Variants in ZBTB21 observed in about 807,000 individuals in gnomAD.
The protein encoded by ZBTB21 is zinc finger and BTB domain containing 21, also known as zinc finger and BTB domain-containing protein 21.
A neutral mutation model predicts 39.8 loss-of-function variants in ZBTB21; 10 were observed. The ratio of observed to expected loss-of-function variants is 0.25; its 90% CI spans 0.16 to 0.43. The LOEUF is 0.43. Ranked by LOEUF, ZBTB21 falls within the 20% of genes least tolerant of loss-of-function variation. ZBTB21 has a pLI of 1.00. For synonymous variants in ZBTB21, 551 were observed against 498.8 expected, an observed-to-expected ratio of 1.10 and a Z score of -1.40; for missense variants, 1,221 against 1,296.3, an observed-to-expected ratio of 0.94 and a Z score of 0.89.
chr21:41,997,599 A>C (rs1354136007), intron 2 of ZBTB21, among the ~76,000 whole-genome samples: 5 of 137,958 alleles, frequency 3.6e-5, no homozygotes, highest in African/African-American at 1.3e-4. Flanking sequence ...ACAAAAAAAC[A>C]AAAAAACAAA....
chr21:41,995,609 C>T (rs1163145444), intron 2 of ZBTB21, among the ~76,000 whole-genome samples: 1 of 152,194 alleles, frequency 6.6e-6, no homozygotes, highest in African/African-American at 2.4e-5. Context: ...AAGAAAATCC[C>T]ATTTTCTGAG....
chr21:41,992,668 G>A lies in ZBTB21; in HGVS notation c.1428C>T (p.Asp476=), dbSNP rs776760292. 31 of 1,614,018 alleles carry A rather than the reference G, an allele frequency of 1.9e-5. No individual in the cohort carries two copies. Among genetic ancestry groups the A allele is most frequent in the Non-Finnish European group, 2.5e-5 (29 of 1,180,028 alleles). Residue 476 remains aspartate, a synonymous_variant, in exon 3 of 3, where the codon GAC becomes GAT. Transcript: ENST00000310826. This position sits in a 1 kb window ranked among gnomAD's most constrained non-coding sequence, Gnocchi z 4.1. ...TCCTTTTTGCTGGGAGTCTGCTCATGTCTTTTTGGTCATCTTCTGTTTTCA... is the reference window on the plus strand; with the variant it reads ...TCCTTTTTGCTGGGAGTCTGCTCATATCTTTTTGGTCATCTTCTGTTTTCA... ...LSLKTEDDQK[D]MSRLPAKRRF...
intron 1 of ZBTB21, among the ~76,000 whole-genome samples, chr21:42,008,342 CAAAAAAAA>C (rs767411984): frequency 1.8e-4 from 10 of 54,312 alleles, no homozygotes; most frequent in Non-Finnish European, 3.3e-4. Flanking sequence ...CCCGTCTCTA[CAAAAAAAA>C]AAAAAAAAAA....
At position 41,992,895 on chromosome 21, in the gene ZBTB21, C is replaced by T; in HGVS notation, c.1201G>A (p.Val401Met). ...EKTALDDRPQ[V>M]LQPHRLRSFS... is the part of the protein sequence containing the mutation. ...GACCTGAGGCGATGCGGTTGTAGCA[C>T]TTGAGGCCTGTCATCTAGGGCTGTT... is the stretch of plus-strand genomic sequence containing the variant. Residue 401 changes from valine (V) to methionine (M), a missense_variant, in exon 3 of 3, where the codon GTG becomes ATG. Physicochemically the swap from Val to Met is conservative, Grantham distance 21. Around this residue, in one of 4 missense-constraint regions of ZBTB21, gnomAD observed 500 missense variants for 465.6 expected, o/e 1.07. Coordinates refer to ENST00000310826, the MANE Select transcript of ZBTB21 (RefSeq NM_001098402.2). This position sits in a 1 kb window ranked among gnomAD's most constrained non-coding sequence, Gnocchi z 4.1. 1 of 1,614,214 alleles carries T rather than the reference C, an allele frequency of 6.2e-7. No individual in the cohort carries two copies. Among genetic ancestry groups the T allele is most frequent in the Non-Finnish European group, 8.5e-7 (1 of 1,180,040 alleles).
At chr21:41,998,154 T>C (rs2146309976) in intron 2 of ZBTB21, among the ~76,000 whole-genome samples, 1 of 152,140 alleles carries the variant, frequency 6.6e-6, no homozygotes, top group Non-Finnish European at 1.5e-5. Flanking sequence ...TTTGACCCTT[T>C]ATTTAGGCTT....
In ZBTB21 at chr21:41,993,588, C is replaced by A; in HGVS notation, c.508G>T (p.Val170Leu). Reference sequence around the variant, plus strand: ...GGAGAGGGCCGGGAAGTATGGCTTACATCGGGTTGATTTTGACTAACAGTT... The same window carrying A: ...GGAGAGGGCCGGGAAGTATGGCTTAAATCGGGTTGATTTTGACTAACAGTT... ...GKTVSQNQPDVSHTSRPSPSI... is the reference protein window; with the variant it reads ...GKTVSQNQPDLSHTSRPSPSI... Residue 170 changes from valine to leucine, a missense_variant, in exon 3 of 3, where the codon GTA (valine) becomes TTA (leucine). Physicochemically the swap from Val to Leu is conservative, Grantham distance 32 (BLOSUM62 1). This residue lies in a region of ZBTB21 where 500 missense variants were observed against 465.6 expected (regional missense o/e 1.07). Transcript: ENST00000310826. 6.2e-7 allele frequency: 1 copy of A among 1,614,248 alleles called. No homozygotes were observed. The highest frequency in any genetic ancestry group is 8.5e-7 in the Non-Finnish European group (1 of 1,180,042).
chr21:41,994,035 T>C lies in ZBTB21; in HGVS notation c.61A>G (p.Asn21Asp). Residue 21 changes from asparagine to aspartate, a missense_variant, in exon 3 of 3, where the codon AAT (asparagine) becomes GAT (aspartate). Asn to Asp is a conservative substitution (Grantham distance 23, BLOSUM62 1). Coordinates refer to ENST00000310826, the MANE Select transcript of ZBTB21 (RefSeq NM_001098402.2). ...AGCTGTCCTTTGAGACGCTCCTCAT[T>C]CAGGGCACTTAGGAGAGAAATGGCG... is the stretch of plus-strand genomic sequence containing the variant. ...AHAISLLSALNEERLKGQLCD... is the reference protein window; with the variant it reads ...AHAISLLSALDEERLKGQLCD... The C allele has an allele frequency of 6.2e-7, 1 of 1,614,116 alleles. No homozygotes were observed. Among genetic ancestry groups the C allele is most frequent in the Non-Finnish European group, 8.5e-7 (1 of 1,180,000 alleles).
At chr21:41,997,575 CA>C (rs10709533) in intron 2 of ZBTB21, among the ~76,000 whole-genome samples, 55,790 of 117,026 alleles carry the variant, frequency 0.48, 12,150 homozygotes, top group African/African-American at 0.67. Flanking sequence ...GACGTTGTCT[CA>C]AAAAAAAAAA....
intron 2 of ZBTB21, among the ~76,000 whole-genome samples, chr21:41,999,696 G>C (rs2065794565): frequency 6.6e-6 from 1 of 152,212 alleles, no homozygotes; most frequent in Non-Finnish European, 1.5e-5. Context: ...AAGAAGGTGT[G>C]AAGGAGGCGA....
chr21:42,007,839 G>C (rs541974808), intron 1 of ZBTB21: 18 of 152,332 alleles, frequency 1.2e-4, no homozygotes, highest in African/African-American at 3.1e-4. Context: ...TCCAGCATCC[G>C]TTACAGAGCC....
At chr21:41,998,702 C>T (rs1281893359) in intron 2 of ZBTB21, among the ~76,000 whole-genome samples, 1 of 152,108 alleles carries the variant, frequency 6.6e-6, no homozygotes, top group Non-Finnish European at 1.5e-5. Flanking sequence ...TCAGGAAGAG[C>T]CCAGAGTCTC....
At chr21:42,009,236 CTCT>C (rs2065924696) in intron 1 of ZBTB21, 1 of 152,194 alleles carries the variant, frequency 6.6e-6, no homozygotes, top group Admixed American at 6.5e-5. Context: ...CGAACGCGCG[CTCT>C]TGCGGAATTC....
chr21:42,009,243 G>A (rs905391039), intron 1 of ZBTB21: 2 of 152,192 alleles, frequency 1.3e-5, no homozygotes, highest in Non-Finnish European at 2.9e-5. Flanking sequence ...GCGCTCTTGC[G>A]GAATTCTCCC....
At chr21:42,003,271 A>G (rs990692590) in intron 1 of ZBTB21, among the ~76,000 whole-genome samples, 2 of 152,136 alleles carry the variant, frequency 1.3e-5, no homozygotes, top group Admixed American at 6.5e-5. Context: ...TTCCCCTCAC[A>G]GATGCTTGCG....
At chr21:42,005,196 T>G (rs1166652072) in intron 1 of ZBTB21, among the ~76,000 whole-genome samples, 1 of 152,242 alleles carries the variant, frequency 6.6e-6, no homozygotes, top group African/African-American at 2.4e-5. Flanking sequence ...TTCCAGCCAC[T>G]ACACAGCCAT....
In ZBTB21 at chr21:42,005,799, G is replaced by T. The variant is rs151076584; in HGVS notation, c.-78-2838C>A. Reference sequence around the variant, plus strand: ...ATGGTTAGATTTATCTGAAATATAGGGGTGCACCAAACAGACAAGACCCCC... The same window carrying T: ...ATGGTTAGATTTATCTGAAATATAGTGGTGCACCAAACAGACAAGACCCCC... On this transcript the variant is annotated intron_variant, in intron 1 of 2. Transcript: ENST00000310826. Among the ~76,000 whole-genome samples the T allele has an allele frequency of 9.7e-3, 1,470 of 152,206 alleles. 7 individuals carry two copies. Among genetic ancestry groups the T allele is most frequent in the Non-Finnish European group, 0.017 (1,125 of 68,012 alleles).
chr21:41,991,931 T>C lies in ZBTB21; in HGVS notation c.2165A>G (p.Tyr722Cys). ...CTTAGCATTACAGAGGCGGCACTGG[T>C]AAACCTCCTTGTTTTCTACTGGACT... is the stretch of plus-strand genomic sequence containing the variant. Reference protein sequence around the residue: ...LASPVENKEVYQCRLCNAKLS... With the variant: ...LASPVENKEVCQCRLCNAKLS... Residue 722 changes from tyrosine to cysteine, a missense_variant, in exon 3 of 3, where the codon TAC (tyrosine) becomes TGC (cysteine). This residue lies in a region of ZBTB21 where 523 missense variants were observed against 542.5 expected (regional missense o/e 0.96). Transcript: ENST00000310826. The surrounding 1 kb of genome is among the most constrained non-coding windows in gnomAD (Gnocchi z 4.9). 2 of 1,614,130 alleles carry C rather than the reference T, an allele frequency of 1.2e-6. No individual in the cohort carries two copies. Among genetic ancestry groups the C allele is most frequent in the Non-Finnish European group, 1.7e-6 (2 of 1,180,016 alleles).
In ZBTB21 at chr21:42,010,242, AG is replaced by A. The variant is rs1263667430; in HGVS notation, c.-79+9del. 1 of 397,786 alleles carries A rather than the reference AG, an allele frequency of 2.5e-6. No individual in the cohort carries two copies. Among genetic ancestry groups the A allele is most frequent in the African/African-American group, 2.1e-5 (1 of 48,584 alleles). 24.6% of individuals were successfully genotyped at this position (397,786 alleles called of 1,614,324 possible). On this transcript the variant is annotated intron_variant, in intron 1 of 2. Coordinates refer to ENST00000310826, the MANE Select transcript of ZBTB21 (RefSeq NM_001098402.2). ...GTTCTCCTAGAGCTAGGGGCGTGAC[AG>A]TTACTCACCGGTCTTCAGTCTCGAG... is the stretch of plus-strand genomic sequence containing the variant.
chr21:41,990,912 C>T lies in ZBTB21; in HGVS notation c.3184G>A (p.Glu1062Lys). 3 of 1,476,866 alleles carry T rather than the reference C, an allele frequency of 2.0e-6. No homozygotes were observed. The highest frequency in any genetic ancestry group is 2.7e-6 in the Non-Finnish European group (3 of 1,115,388). 91.5% of individuals were successfully genotyped at this position (1,476,866 alleles called of 1,614,324 possible). The stretch of plus-strand genomic sequence containing the variant: ...TTGGTCTTTCAATTGTGTGTTTGTT[C>T]GTGACTCCAAAGACTAAATGCAGTC... ...FKTAFSLWSH[E>K]QTHN is the part of the protein sequence containing the mutation. Residue 1062 changes from glutamate (E) to lysine (K), a missense_variant, in exon 3 of 3, where the codon GAA becomes AAA. By Grantham distance (56) the Glu-to-Lys change is moderately conservative. Coordinates refer to ENST00000310826, the MANE Select transcript of ZBTB21 (RefSeq NM_001098402.2).
Sources: allele counts gnomAD v4.1 joint callset (sites outside exome capture counted in the v4.1 genomes callset), GRCh38; gene constraint gnomAD v4.1.1; regional missense constraint gnomAD v4.1.1; non-coding constraint Gnocchi (gnomAD v3.1); transcripts MANE v1.5; gene names NCBI Gene and HGNC (gene_info 2026-07-23, HGNC 2026-07-21).